The following ABTB2 variants were observed in gnomAD, a reference collection of about 807,000 sequenced individuals.
ABTB2 encodes the protein ankyrin repeat and BTB/POZ domain-containing protein 2.
In ABTB2, 56 loss-of-function variants were observed where a neutral mutation model predicts 104.1. The ratio of observed to expected loss-of-function variants is 0.54; its 90% confidence interval spans 0.43 to 0.67. ABTB2 has a LOEUF of 0.67. ABTB2 is among the 30% of genes least tolerant of loss of function. The probability of loss-of-function intolerance (pLI) is 0.00; values close to 1 mark genes in which losing one functional copy is unlikely to be tolerated. For missense variants in ABTB2, 1,279 were observed against 1,407.7 expected (o/e 0.91, Z 1.46); for synonymous variants, 606 against 608.2 (o/e 1.00, Z 0.05).
intron 1 of ABTB2, among the ~76,000 whole-genome samples, chr11:34,320,106 G>T (rs528017849): frequency 5.5e-4 from 84 of 152,168 alleles, no homozygotes; most frequent in Non-Finnish European, 1.1e-3. Context: ...ATTTAGTTCA[G>T]TACTTGAAAC....
At position 34,356,246 on chromosome 11, in the gene ABTB2, T is replaced by C. The variant is rs1855463137; in HGVS notation, c.883+455A>G. 1.3e-5 allele frequency among the ~76,000 whole-genome samples: 2 copies of C among 152,142 alleles called. No individual in the cohort carries two copies. The highest frequency in any genetic ancestry group is 2.9e-5 in the Non-Finnish European group (2 of 68,030). On this transcript the variant is annotated intron_variant, in intron 1 of 16. Transcript: ENST00000435224. The surrounding 1 kb of genome is among the most constrained non-coding windows in gnomAD (Gnocchi z 4.6). ...CCATCTTACTTATCCAAGGTTCAGGTCTTTAAGTTGGGACCCTTTGGTTGC... is the reference window on the plus strand; with the variant it reads ...CCATCTTACTTATCCAAGGTTCAGGCCTTTAAGTTGGGACCCTTTGGTTGC...
At chr11:34,279,571 A>G (rs1854425510) in intron 1 of ABTB2, among the ~76,000 whole-genome samples, 1 of 152,230 alleles carries the variant, frequency 6.6e-6, no homozygotes, top group African/African-American at 2.4e-5. Context: ...TCCCCAACCT[A>G]TCTGTCTGAC....
At chr11:34,224,796 C>A (rs1290621862) in intron 1 of ABTB2, among the ~76,000 whole-genome samples, 3 of 152,200 alleles carry the variant, frequency 2.0e-5, no homozygotes, top group Non-Finnish European at 4.4e-5. Flanking sequence ...CTCTAATCAC[C>A]ACTGAACTCT....
chr11:34,170,518 G>A (rs893576887), intron 5 of ABTB2, among the ~76,000 whole-genome samples: 4 of 152,110 alleles, frequency 2.6e-5, no homozygotes, highest in Admixed American at 1.3e-4. Flanking sequence ...CACTAAAATG[G>A]TATCTCCATG....
At chr11:34,344,677 T>C (rs1294135544) in intron 1 of ABTB2, among the ~76,000 whole-genome samples, 1 of 152,164 alleles carries the variant, frequency 6.6e-6, no homozygotes, top group Non-Finnish European at 1.5e-5. Context: ...TTGTATTTTT[T>C]TGTAGAAACG....
intron 1 of ABTB2, among the ~76,000 whole-genome samples, chr11:34,239,471 C>A (rs1010273408): frequency 1.3e-5 from 2 of 152,108 alleles, no homozygotes; most frequent in African/African-American, 4.8e-5. Flanking sequence ...GCTGAGACTG[C>A]AGACATGCGC....
At chr11:34,239,823 C>A (rs1326442257) in intron 1 of ABTB2, among the ~76,000 whole-genome samples, 1 of 152,166 alleles carries the variant, frequency 6.6e-6, no homozygotes, top group African/African-American at 2.4e-5. Flanking sequence ...CCCTCCCCCA[C>A]CTCTTGACAA....
chr11:34,194,353 G>C (rs2982599), intron 3 of ABTB2, among the ~76,000 whole-genome samples: 134,061 of 152,248 alleles, frequency 0.88, 59,189 homozygotes, highest in East Asian at 1. Flanking sequence ...TTCTGGCTGG[G>C]TGAACTCAGT....
chr11:34,270,587 G>A (rs1461966882), intron 1 of ABTB2, among the ~76,000 whole-genome samples: 1 of 152,164 alleles, frequency 6.6e-6, no homozygotes, highest in African/African-American at 2.4e-5. Context: ...TGATCCGCCC[G>A]CCTCAGCCTC....
Position 34,159,984 on chromosome 11 carries a change from TC to T in ABTB2, c.2527del (p.Glu843ArgfsTer5). On this transcript the variant is annotated frameshift_variant, in exon 13 of 17. Coordinates refer to ENST00000435224, the MANE Select transcript of ABTB2 (RefSeq NM_145804.3). LOFTEE classifies it high-confidence loss of function. ...CACCAGGAAGGTCACATCTGACATC[TC>T]CTTATTGTTCAAAAAGTGTGGATCT... is the stretch of plus-strand genomic sequence containing the variant. ...RLDPHFLNNKEMSDVTFLVEG... is the reference protein window; with the variant it reads ...RLDPHFLNNKXMSDVTFLVEG... 6.2e-7 allele frequency: 1 copy of T among 1,613,676 alleles called. No individual in the cohort carries two copies. Among genetic ancestry groups the T allele is most frequent in the Admixed American group, 1.7e-5 (1 of 60,022 alleles).
intron 1 of ABTB2, among the ~76,000 whole-genome samples, chr11:34,264,661 T>C (rs1033729509): frequency 7.2e-5 from 11 of 152,316 alleles, no homozygotes; most frequent in Non-Finnish European, 1.3e-4. Context: ...TCAACTACAA[T>C]GCTCTCCCTG....
chr11:34,162,552 G>T, intron 10 of ABTB2, 24 bp downstream of exon 10: 2 of 1,604,786 alleles, frequency 1.2e-6, no homozygotes, highest in Non-Finnish European at 1.7e-6. Flanking sequence ...ATGGACATGG[G>T]TGTGCATGCC....
rs138579897 is a variant in ABTB2 at position 34,316,933 on chromosome 11, G to A, written c.883+39768C>T. Among the ~76,000 whole-genome samples, 340 of 152,280 alleles carry A rather than the reference G, an allele frequency of 2.2e-3. 5 individuals carry two copies. The highest frequency in any genetic ancestry group is 7.9e-3 in the African/African-American group (327 of 41,554). ...ACTGGGGAAGCCCGGGAGGCACATG[G>A]GAAAGAACAGAAAGATCTGGACGAA... On this transcript the variant is annotated intron_variant, in intron 1 of 16. Coordinates refer to ENST00000435224, the MANE Select transcript of ABTB2 (RefSeq NM_145804.3).
intron 1 of ABTB2, among the ~76,000 whole-genome samples, chr11:34,344,853 A>G (rs886805330): frequency 1.3e-5 from 2 of 152,074 alleles, no homozygotes; most frequent in Non-Finnish European, 2.9e-5. Context: ...CCGCACTAGG[A>G]TCTTTGGTGC....
intron 1 of ABTB2, among the ~76,000 whole-genome samples, chr11:34,218,486 G>A (rs1853573847): frequency 6.6e-6 from 1 of 152,094 alleles, no homozygotes; most frequent in South Asian, 2.1e-4. Context: ...AAGGGTGTAA[G>A]GTCTGTGTCT....
At chr11:34,170,089 AAC>A (rs959460578) in intron 5 of ABTB2, among the ~76,000 whole-genome samples, 6 of 152,096 alleles carry the variant, frequency 3.9e-5, no homozygotes, top group Non-Finnish European at 5.9e-5. Context: ...GTGTCAAATA[AAC>A]ACACAGGATA....
intron 1 of ABTB2, among the ~76,000 whole-genome samples, chr11:34,287,570 G>A (rs2755155): frequency 0.015 from 2,305 of 152,280 alleles, 54 homozygotes; most frequent in African/African-American, 0.053. Context: ...CTCTTTATAT[G>A]GCTGGGGCAA....
intron 1 of ABTB2, among the ~76,000 whole-genome samples, chr11:34,312,339 G>A (rs913503151): frequency 2.6e-5 from 4 of 152,148 alleles, no homozygotes; most frequent in African/African-American, 9.7e-5. Flanking sequence ...GGCAAGTGAT[G>A]TTGGACTTAG....
Position 34,210,879 on chromosome 11 carries a change from A to G in ABTB2, c.884-6189T>C, listed in dbSNP as rs185820634. 3.3e-4 allele frequency among the ~76,000 whole-genome samples: 50 copies of G among 152,372 alleles called. 1 individual carries two copies. The East Asian group carries it at 7.7e-3, about 23-fold the overall frequency. ...GGGGTGCAATCCATAAGCTTCTGAA[A>G]ATAAAAATTATACTGCCCCACTGAA... On this transcript the variant is annotated intron_variant, in intron 1 of 16. Coordinates refer to ENST00000435224, the MANE Select transcript of ABTB2 (RefSeq NM_145804.3).
Sources: gnomAD v4.1 joint callset for allele counts (sites outside exome capture counted in the v4.1 genomes callset) on GRCh38, gnomAD v4.1.1 for gene constraint, Gnocchi (gnomAD v3.1) non-coding constraint, MANE v1.5 for transcripts, NCBI Gene and HGNC (gene_info 2026-07-23, HGNC 2026-07-21) for gene names.